Variants in PNMA6E observed in about 807,000 individuals in gnomAD.
PNMA6E encodes PNMA family member 6E.
For synonymous variants in PNMA6E, 43 were observed against 17.1 expected, an observed-to-expected ratio of 2.52 and a Z score of -3.74; for missense variants, 78 against 50.8, an observed-to-expected ratio of 1.53 and a Z score of -1.63.
In PNMA6E at chrX:153,397,433, G is replaced by A; in HGVS notation, c.1417C>T (p.Gln473Ter). Residue 473 changes from glutamine (Q) to a stop codon, truncating the protein, a stop_gained, in exon 2 of 2, where the codon CAG becomes TAG. Transcript: ENST00000445091. LOFTEE classifies it low-confidence loss of function (END_TRUNC). Reference sequence around the variant, plus strand: ...AAGCCAGGTGGCCTCTTCTCCAGCTGCATCCCTCTCAGGGTATCCTGGAGT... The same window carrying A: ...AAGCCAGGTGGCCTCTTCTCCAGCTACATCCCTCTCAGGGTATCCTGGAGT... ...EALQDTLRGM[Q>*]LEKRPPGFLG... is the part of the protein sequence containing the mutation. 3.4e-6 allele frequency: 1 copy of A among 298,364 alleles called. No homozygotes were observed. The highest frequency in any genetic ancestry group is 5.9e-6 in the Non-Finnish European group (1 of 170,472). The allele number at this position is 298,364 out of a possible 1,213,427, so 24.6% of individuals were successfully genotyped here.
chrX:153,411,277 G>A, the PNMA6E span, among the ~76,000 whole-genome samples: 6 of 112,836 alleles, frequency 5.3e-5, no homozygotes, highest in African/African-American at 9.6e-5. Context: ...CAGGAGCCGC[G>A]GTGCGCTGAC....
chrX:153,406,415 C>T, the PNMA6E span, among the ~76,000 whole-genome samples: 2 of 112,506 alleles, frequency 1.8e-5, no homozygotes, highest in African/African-American at 6.5e-5. Flanking sequence ...ACAAGGGAAG[C>T]TGGGAAAGCC....
At chrX:153,399,309 T>TTGTGTG (rs200672716) in intron 1 of PNMA6E, among the ~76,000 whole-genome samples, 4 of 104,048 alleles carry the variant, frequency 3.8e-5, no homozygotes, top group South Asian at 4.3e-4. Flanking sequence ...CTCTTGTGTG[T>TTGTGTG]TGTGTGTGTG....
At chrX:153,408,459 C>G in the PNMA6E span, among the ~76,000 whole-genome samples, 87 of 112,689 alleles carry the variant, frequency 7.7e-4, no homozygotes, top group African/African-American at 2.8e-3. Context: ...GTTGGACAAA[C>G]TGGCCCACAT....
chrX:153,413,522 A>T, the PNMA6E span, among the ~76,000 whole-genome samples: 13 of 109,810 alleles, frequency 1.2e-4, no homozygotes, highest in Non-Finnish European at 2.3e-4. Flanking sequence ...ACCCAGGTTG[A>T]TGGGCCTTTC....
chrX:153,408,494 G>A, the PNMA6E span, among the ~76,000 whole-genome samples: 2 of 112,457 alleles, frequency 1.8e-5, no homozygotes, highest in Non-Finnish European at 3.8e-5. Flanking sequence ...TCCATGCCAT[G>A]AGCCACGCAG....
the PNMA6E span, among the ~76,000 whole-genome samples, chrX:153,413,642 T>A: frequency 9.0e-6 from 1 of 110,574 alleles, no homozygotes; most frequent in African/African-American, 3.3e-5. Flanking sequence ...CTGCTTGGCC[T>A]CTGCTCTGCT....
the PNMA6E span, among the ~76,000 whole-genome samples, chrX:153,411,493 C>T: frequency 4.5e-5 from 5 of 111,907 alleles, no homozygotes; most frequent in African/African-American, 1.6e-4. Flanking sequence ...GCCCGCTCGT[C>T]GGCGCACCAG....
the PNMA6E span, among the ~76,000 whole-genome samples, chrX:153,411,471 C>T: frequency 6.2e-5 from 7 of 112,198 alleles, no homozygotes; most frequent in Admixed American, 9.3e-5. Context: ...GCCCCGGCCC[C>T]GCCCGCTCCC....
At chrX:153,410,528 C>T in the PNMA6E span, among the ~76,000 whole-genome samples, 13 of 111,788 alleles carry the variant, frequency 1.2e-4, no homozygotes, top group Admixed American at 1.0e-3. Context: ...CACTGGGCCC[C>T]CTGGGGGCCC....
intron 1 of PNMA6E, among the ~76,000 whole-genome samples, chrX:153,400,273 T>G (rs898641360): frequency 1.7e-4 from 19 of 112,410 alleles, no homozygotes; most frequent in African/African-American, 5.8e-4. Context: ...CTCACGGCAC[T>G]GCCACGCCGA....
the PNMA6E span, among the ~76,000 whole-genome samples, chrX:153,409,927 C>T: frequency 0.36 from 39,648 of 111,538 alleles, 5,548 homozygotes; most frequent in Non-Finnish European, 0.45. Flanking sequence ...GTCCCCCCGC[C>T]CCCTGCCTCC....
At chrX:153,405,614 ACTCT>A (rs1264521173), upstream of PNMA6E, among the ~76,000 whole-genome samples, 3 of 70,641 alleles carry the variant, frequency 4.2e-5, no homozygotes, top group African/African-American at 5.7e-5. Flanking sequence ...TGCCTCTCTC[ACTCT>A]CTCTCTCTCC....
At chrX:153,400,112 C>G (rs2088838322) in intron 1 of PNMA6E, among the ~76,000 whole-genome samples, 1 of 112,783 alleles carries the variant, frequency 8.9e-6, no homozygotes, top group Non-Finnish European at 1.9e-5. Context: ...TATGGTCTAT[C>G]TAAGTGAATG....
chrX:153,407,347 A>G, the PNMA6E span, among the ~76,000 whole-genome samples: 1 of 110,978 alleles, frequency 9.0e-6, no homozygotes, highest in African/African-American at 3.3e-5. Context: ...CCCAGCAGCC[A>G]TTCCCCCTCT....
chrX:153,399,010 G>C (rs1164628655), intron 1 of PNMA6E, 90 bp from the exon 2 acceptor site: 3 of 292,045 alleles, frequency 1.0e-5, no homozygotes, highest in Non-Finnish European at 1.8e-5. Flanking sequence ...AGGGGGCAGG[G>C]CTGGAGTTCC....
the PNMA6E span, among the ~76,000 whole-genome samples, chrX:153,410,468 G>A: frequency 1.8e-5 from 2 of 111,355 alleles, no homozygotes; most frequent in Admixed American, 9.4e-5. Context: ...GAGGGCCACC[G>A]GGAGACTCCC....
the PNMA6E span, among the ~76,000 whole-genome samples, chrX:153,411,928 C>T: frequency 8.9e-6 from 1 of 112,737 alleles, no homozygotes; most frequent in Non-Finnish European, 1.9e-5. Context: ...GGAGCTGCGG[C>T]CCGTGTCTGT....
chrX:153,403,733 A>G (rs2088864596), upstream of PNMA6E: 1 of 110,247 alleles, frequency 9.1e-6, no homozygotes, highest in Admixed American at 9.7e-5. Flanking sequence ...GCTTGAGGTC[A>G]GGAGTTTGAG....
Sources: gnomAD v4.1 joint callset for allele counts (sites outside exome capture counted in the v4.1 genomes callset) on GRCh38, gnomAD v4.1.1 for gene constraint, MANE v1.5 for transcripts, NCBI Gene and HGNC (gene_info 2026-07-23, HGNC 2026-07-21) for gene names.